KCNT1: variants seen among roughly 807,000 people sequenced by gnomAD.
KCNT1 encodes potassium channel subfamily T member 1.
KCNT1 carries 78 observed loss-of-function variants against 147.8 expected under a neutral mutation model. That is an observed-to-expected ratio of 0.53 (90% CI 0.44 to 0.64). KCNT1 has a LOEUF of 0.64. Among genes scored for constraint, KCNT1 ranks in the 30% least tolerant of loss-of-function variants. The pLI is 0.00. For synonymous variants in KCNT1, 867 were observed against 748.8 expected (o/e 1.16, Z -2.58); for missense variants, 1,419 against 1,750.3 (o/e 0.81, Z 3.38).
At position 135,747,467 on chromosome 9, in the gene KCNT1, G is replaced by A. The variant is rs575408373; in HGVS notation, c.255-2631G>A. ...GGCTCAGCCCCCGGGGGCAGCTCCC[G>A]CCTCAGCCCTGCCTGCCCCCCTGAC... On this transcript the variant is annotated intron_variant, in intron 2 of 30. Transcript: ENST00000371757. Among the ~76,000 whole-genome samples, 7 of 152,180 alleles carry A rather than the reference G, an allele frequency of 4.6e-5. No homozygotes were observed. The East Asian group carries it at 7.8e-4, about 17-fold the overall frequency.
chr9:135,750,235 G>A (rs1417086147), intron 3 of KCNT1, 58 bp downstream of exon 3: 6 of 1,399,352 alleles, frequency 4.3e-6, no homozygotes, highest in South Asian at 2.3e-5. Flanking sequence ...GGCGCCGGGA[G>A]CAAGCCTGGC....
At chr9:135,712,619 C>T (rs1287312013) in intron 1 of KCNT1, among the ~76,000 whole-genome samples, 1 of 152,124 alleles carries the variant, frequency 6.6e-6, no homozygotes, top group Non-Finnish European at 1.5e-5. Flanking sequence ...TCAACCAGAC[C>T]CCGAGGACAC....
intron 10 of KCNT1, among the ~76,000 whole-genome samples, chr9:135,758,890 G>A (rs1228946923): frequency 2.0e-5 from 3 of 152,118 alleles, no homozygotes; most frequent in East Asian, 3.9e-4. Flanking sequence ...GAGCTGCGAG[G>A]GCCTCCAGCC....
At chr9:135,726,680 CCT>C (rs748292462) in intron 2 of KCNT1, among the ~76,000 whole-genome samples, 240 of 149,246 alleles carry the variant, frequency 1.6e-3, no homozygotes, top group Middle Eastern at 0.01. Flanking sequence ...TCTCTCCTTC[CCT>C]CTCTCTCTCT....
rs552903891 is a variant in KCNT1, at chr9:135,781,452, T to C, written c.2841+1982T>C. Among the ~76,000 whole-genome samples the C allele has an allele frequency of 2.0e-5, 3 of 152,330 alleles. No individual in the cohort carries two copies. The South Asian group carries it at 6.2e-4, about 32-fold the overall frequency. On this transcript the variant is annotated intron_variant, in intron 24 of 30. Coordinates refer to ENST00000371757, the MANE Select transcript of KCNT1 (RefSeq NM_020822.3). ...TGTAGAAGGCACCAGGGGCTGCGTC[T>C]TCTCCAGCCTGGGTGGCCTTGGCCC...
intron 2 of KCNT1, among the ~76,000 whole-genome samples, chr9:135,715,887 T>C (rs1564315585): frequency 6.6e-6 from 1 of 152,184 alleles, no homozygotes; most frequent in Non-Finnish European, 1.5e-5. Flanking sequence ...AGCCCAGTCT[T>C]CATCCACTCA....
intron 13 of KCNT1, among the ~76,000 whole-genome samples, chr9:135,767,287 C>T (rs931059288): frequency 1.3e-5 from 2 of 152,308 alleles, no homozygotes; most frequent in South Asian, 2.1e-4. Flanking sequence ...AGGGCAAGGG[C>T]GTAGGCCATT....
At chr9:135,751,449 C>A (rs1250506390) in intron 4 of KCNT1, among the ~76,000 whole-genome samples, 1 of 152,076 alleles carries the variant, frequency 6.6e-6, no homozygotes, top group Non-Finnish European at 1.5e-5. Context: ...GTCTTCTACC[C>A]CTCCTGGGTC....
At position 135,714,514 on chromosome 9, in the gene KCNT1, G is replaced by A; in HGVS notation, c.111-63G>A. The A allele has an allele frequency of 1.0e-6, 1 of 976,134 alleles. No homozygotes were observed. The highest frequency in any genetic ancestry group is 1.2e-6 in the Non-Finnish European group (1 of 821,808). The allele number at this position is 976,134 out of a possible 1,614,324, so 60.5% of individuals were successfully genotyped here. A position where few individuals can be genotyped will look rare whatever the true frequency, so the allele number is the denominator to read the frequency against. Reference sequence around the variant, plus strand: ...TGCGCGGGCCGGGCCTGGCGGGCCGGGGGCTGCGCGCGTCCGCGAGGGCGC... The same window carrying A: ...TGCGCGGGCCGGGCCTGGCGGGCCGAGGGCTGCGCGCGTCCGCGAGGGCGC... On this transcript the variant is annotated intron_variant, in intron 1 of 30. Transcript: ENST00000371757. This position sits in a 1 kb window ranked among gnomAD's most constrained non-coding sequence, Gnocchi z 6.2.
Position 135,714,196 on chromosome 9 carries a change from G to T in KCNT1, c.111-381G>T, listed in dbSNP as rs1835621894. Among the ~76,000 whole-genome samples, 1 of 151,680 alleles carries T rather than the reference G, an allele frequency of 6.6e-6. No individual in the cohort carries two copies. The highest frequency in any genetic ancestry group is 2.4e-5 in the African/African-American group (1 of 41,428). On this transcript the variant is annotated intron_variant, in intron 1 of 30. Transcript: ENST00000371757. This position sits in a 1 kb window ranked among gnomAD's most constrained non-coding sequence, Gnocchi z 6.2. ...TGGGGAGTTGGGAGGGGTTGCAGGG[G>T]TGTGGCGGGGCTTCAGAGCAGGGGG...
chr9:135,750,067 T>G (rs1831061300), intron 2 of KCNT1, 31 bp from the exon 3 acceptor site: 1 of 1,592,476 alleles, frequency 6.3e-7, no homozygotes. Context: ...CCACTGGCCC[T>G]GAGCCTCCAT....
intron 18 of KCNT1, among the ~76,000 whole-genome samples, chr9:135,771,330 C>T (rs551759765): frequency 6.6e-6 from 1 of 152,324 alleles, no homozygotes; most frequent in African/African-American, 2.4e-5. Flanking sequence ...GGAGACCAGG[C>T]CAATGTGGCC....
intron 5 of KCNT1, among the ~76,000 whole-genome samples, chr9:135,754,652 G>A (rs990899664): frequency 6.6e-6 from 1 of 152,192 alleles, no homozygotes; most frequent in African/African-American, 2.4e-5. Flanking sequence ...ACTGAGACTC[G>A]GGGAAACCCA....
In KCNT1 at chr9:135,711,642, C is replaced by T. The variant is rs60288094; in HGVS notation, c.111-2935C>T. Among the ~76,000 whole-genome samples, 3 of 152,198 alleles carry T rather than the reference C, an allele frequency of 2.0e-5. No individual in the cohort carries two copies. The South Asian group carries it at 6.2e-4, about 31-fold the overall frequency. On this transcript the variant is annotated intron_variant, in intron 1 of 30. Coordinates refer to ENST00000371757, the MANE Select transcript of KCNT1 (RefSeq NM_020822.3). Reference sequence around the variant, plus strand: ...GTCAGTGCACGTGACTACGTGTGCACCAAACAGCTGACGGGGACTTCCTGT... The same window carrying T: ...GTCAGTGCACGTGACTACGTGTGCATCAAACAGCTGACGGGGACTTCCTGT...
intron 24 of KCNT1, among the ~76,000 whole-genome samples, chr9:135,781,644 A>C (rs1020607826): frequency 2.0e-5 from 3 of 151,882 alleles, no homozygotes; most frequent in African/African-American, 7.3e-5. Context: ...GAAAGTAAAA[A>C]AAAAAAAAAA....
intron 29 of KCNT1, among the ~76,000 whole-genome samples, 191 bp downstream of exon 29, chr9:135,786,712 C>A (rs1479624140): frequency 1.3e-5 from 2 of 152,268 alleles, no homozygotes; most frequent in Non-Finnish European, 2.9e-5. Flanking sequence ...ACCACCACGG[C>A]CCAGCAGAGG....
At chr9:135,739,439 C>A (rs868179387) in intron 2 of KCNT1, among the ~76,000 whole-genome samples, 3 of 151,484 alleles carry the variant, frequency 2.0e-5, no homozygotes, top group Non-Finnish European at 2.9e-5. Context: ...GTCCCCTGAG[C>A]CCCCCGACCC....
At chr9:135,702,895 A>C (rs1835091869) in intron 1 of KCNT1, 1 of 155,478 alleles carries the variant, frequency 6.4e-6, no homozygotes, top group African/African-American at 2.4e-5. Context: ...TGAGGGCGGG[A>C]GTCCTGGGTT....
rs370782365 is a variant in KCNT1, at chr9:135,717,097, A to G, written c.254+2377A>G. Among the ~76,000 whole-genome samples, 62 of 132,140 alleles carry G rather than the reference A, an allele frequency of 4.7e-4. No individual in the cohort carries two copies. The East Asian group carries it at 6.6e-3, about 14-fold the overall frequency. 86.7% of individuals were successfully genotyped at this position (132,140 alleles called of 152,430 possible). On this transcript the variant is annotated intron_variant, in intron 2 of 30. Coordinates refer to ENST00000371757, the MANE Select transcript of KCNT1 (RefSeq NM_020822.3). ...CCTGGCCCCTGTGGTATTGGTGTCT[A>G]TAGGACGGGAGGGAGGGGACCTGGC...
Sources: allele counts gnomAD v4.1 joint callset (sites outside exome capture counted in the v4.1 genomes callset), GRCh38; gene constraint gnomAD v4.1.1; non-coding constraint Gnocchi (gnomAD v3.1); transcripts MANE v1.5; gene names NCBI Gene and HGNC (gene_info 2026-07-23, HGNC 2026-07-21).